Variants in WDR89 observed in about 807,000 individuals in gnomAD.
The protein encoded by WDR89 is WD repeat domain 89.
A neutral mutation model predicts 29.1 loss-of-function variants in WDR89; 17 were observed. That is an observed-to-expected ratio of 0.58 (90% CI 0.40 to 0.88). The LOEUF is 0.88. Among genes scored for constraint, WDR89 ranks in the 40% least tolerant of loss-of-function variants. The pLI is 0.00. For missense variants in WDR89, 396 were observed against 456.3 expected, an observed-to-expected ratio of 0.87 and a Z score of 1.20; for synonymous variants, 138 against 157.8, an observed-to-expected ratio of 0.87 and a Z score of 0.94.
intron 1 of WDR89, among the ~76,000 whole-genome samples, chr14:63,636,385 G>T (rs8009516): frequency 6.6e-6 from 1 of 151,878 alleles, no homozygotes; most frequent in East Asian, 1.9e-4. Flanking sequence ...AAAATACCAC[G>T]ATCATTCTTC....
chr14:63,632,716 T>C (rs1035057355), intron 1 of WDR89, among the ~76,000 whole-genome samples: 1 of 151,950 alleles, frequency 6.6e-6, no homozygotes, highest in African/African-American at 2.4e-5. Context: ...TTATACAGAA[T>C]GATGGCAAGC....
intron 2 of WDR89, among the ~76,000 whole-genome samples, chr14:63,620,337 A>G (rs774285615): frequency 1.3e-5 from 2 of 152,172 alleles, no homozygotes; most frequent in Admixed American, 1.3e-4. Context: ...CAGATATAGA[A>G]AGCCAAATAC....
intron 2 of WDR89, among the ~76,000 whole-genome samples, chr14:63,608,884 C>T (rs913470120): frequency 3.3e-5 from 5 of 152,038 alleles, no homozygotes; most frequent in Admixed American, 1.3e-4. Context: ...TGGGAGATCA[C>T]GAGGTTGGGA....
chr14:63,613,759 C>T (rs2139520975), intron 2 of WDR89, among the ~76,000 whole-genome samples: 1 of 151,872 alleles, frequency 6.6e-6, no homozygotes, highest in South Asian at 2.1e-4. Flanking sequence ...CTTGGCCTCC[C>T]AAAGTGCTGG....
At position 63,600,290 on chromosome 14, in the gene WDR89, T is replaced by C. The variant is rs558958856; in HGVS notation, c.-31-317A>G. ...AGGAGGACTGCTTGAGGCCAGGCAT[T>C]AGAGACCAGCCTGAGCAACATGGGG... On this transcript the variant is annotated intron_variant, in intron 2 of 2. Transcript: ENST00000620954. Among the ~76,000 whole-genome samples, 8 of 152,182 alleles carry C rather than the reference T, an allele frequency of 5.3e-5. No individual in the cohort carries two copies. In the South Asian group the frequency reaches 1.7e-3, roughly 32 times the overall value.
At chr14:63,634,265 T>C (rs1452960865) in intron 1 of WDR89, among the ~76,000 whole-genome samples, 3 of 152,192 alleles carry the variant, frequency 2.0e-5, no homozygotes, top group Non-Finnish European at 2.9e-5. Flanking sequence ...CTCACACTTG[T>C]AATCCCAGCA....
At chr14:63,636,078 G>A (rs866145667) in intron 1 of WDR89, among the ~76,000 whole-genome samples, 9 of 152,090 alleles carry the variant, frequency 5.9e-5, no homozygotes, top group African/African-American at 2.2e-4. Context: ...GCGTGGTAGT[G>A]CACACCTGTA....
chr14:63,631,791 T>C (rs1367033877), intron 1 of WDR89, among the ~76,000 whole-genome samples: 2 of 152,056 alleles, frequency 1.3e-5, no homozygotes, highest in African/African-American at 2.4e-5. Context: ...GATTCTTGCA[T>C]TGGATGACCA....
chr14:63,637,809 G>T (rs966874418), intron 1 of WDR89, among the ~76,000 whole-genome samples: 9 of 151,940 alleles, frequency 5.9e-5, no homozygotes, highest in African/African-American at 2.2e-4. Flanking sequence ...GGCCGGGGGA[G>T]GGGGGGCAAG....
chr14:63,601,591 G>C (rs1895065483), intron 2 of WDR89: 12 of 1,611,616 alleles, frequency 7.4e-6, no homozygotes, highest in Non-Finnish European at 1.0e-5. Context: ...GTAACCAAAG[G>C]AGGCATTATG....
intron 1 of WDR89, among the ~76,000 whole-genome samples, chr14:63,629,231 T>C (rs1382873496): frequency 2.6e-5 from 4 of 152,196 alleles, no homozygotes; most frequent in Non-Finnish European, 5.9e-5. Flanking sequence ...AGCAGAACAT[T>C]TGTCCCTTTC....
chr14:63,609,595 G>C (rs573721955), intron 2 of WDR89, among the ~76,000 whole-genome samples: 1 of 152,216 alleles, frequency 6.6e-6, no homozygotes, highest in Admixed American at 6.5e-5. Flanking sequence ...TTGGAGACCA[G>C]CCTGGCCAAC....
At chr14:63,600,720 A>C (rs1470044219) in intron 2 of WDR89, among the ~76,000 whole-genome samples, 2 of 82,298 alleles carry the variant, frequency 2.4e-5, no homozygotes, top group African/African-American at 1.2e-4. Context: ...ATGTAGGCAA[A>C]AAAAAAAAAA....
At chr14:63,601,435 A>C in intron 2 of WDR89, 1 of 925,534 alleles carries the variant, frequency 1.1e-6, no homozygotes, top group Non-Finnish European at 1.7e-6. Context: ...AGGCCAGAAA[A>C]ACATGCATGC....
chr14:63,631,293 G>C (rs1471229173), intron 1 of WDR89, among the ~76,000 whole-genome samples: 1 of 152,058 alleles, frequency 6.6e-6, no homozygotes, highest in Non-Finnish European at 1.5e-5. Context: ...GGAGAAAAAA[G>C]GCGAATTTGA....
At chr14:63,619,211 C>T (rs1198210826) in intron 2 of WDR89, among the ~76,000 whole-genome samples, 2 of 152,122 alleles carry the variant, frequency 1.3e-5, no homozygotes, top group African/African-American at 4.8e-5. Flanking sequence ...CATCCCAGGC[C>T]TGACGCTAAG....
intron 1 of WDR89, 139 bp downstream of exon 1, chr14:63,641,665 C>G (rs910813983): frequency 2.0e-5 from 3 of 152,510 alleles, no homozygotes; most frequent in African/African-American, 7.2e-5. Flanking sequence ...CACACTCCGT[C>G]CAGACCTCCC....
At chr14:63,635,618 T>C (rs2139577646) in intron 1 of WDR89, among the ~76,000 whole-genome samples, 1 of 152,226 alleles carries the variant, frequency 6.6e-6, no homozygotes, top group Non-Finnish European at 1.5e-5. Flanking sequence ...CTACTGGAAG[T>C]CCTAGCCAGA....
At chr14:63,625,315 G>A (rs1365882339) in intron 1 of WDR89, among the ~76,000 whole-genome samples, 3 of 151,958 alleles carry the variant, frequency 2.0e-5, no homozygotes, top group Non-Finnish European at 4.4e-5. Flanking sequence ...ATTATTAAGG[G>A]GCACAAGGAA....
Sources: gnomAD v4.1 joint callset for allele counts (sites outside exome capture counted in the v4.1 genomes callset) on GRCh38, gnomAD v4.1.1 for gene constraint, MANE v1.5 for transcripts, NCBI Gene and HGNC (gene_info 2026-07-23, HGNC 2026-07-21) for gene names.